The following CPEB3 variants were observed in gnomAD, a reference collection of about 807,000 sequenced individuals.
CPEB3 encodes the protein cytoplasmic polyadenylation element-binding protein 3.
A neutral mutation model predicts 67.2 loss-of-function variants in CPEB3; 20 were observed. The ratio of observed to expected loss-of-function variants is 0.30; its 90% CI spans 0.21 to 0.43. The LOEUF is 0.43. Among genes scored for constraint, CPEB3 ranks in the 20% least tolerant of loss-of-function variants. CPEB3 has a pLI of 1.00. For synonymous variants in CPEB3, 376 were observed against 393.1 expected (o/e 0.96, Z 0.51); for missense variants, 746 against 968.6 (o/e 0.77, Z 3.05).
At chr10:92,137,310 T>A in intron 6 of CPEB3, 1 of 708,398 alleles carries the variant, frequency 1.4e-6, no homozygotes, top group Non-Finnish European at 2.4e-6. Context: ...AAGTTCCCCA[T>A]ATCATCGTGG....
At position 92,052,056 on chromosome 10, in the gene CPEB3, G is replaced by C; in HGVS notation, c.*156C>G. On this transcript the variant is annotated 3_prime_UTR_variant, in exon 10 of 10. Coordinates refer to ENST00000265997, the MANE Select transcript of CPEB3 (RefSeq NM_014912.5). ...GGACACTGAGTTCAGTAATATGACT[G>C]TAAATAATAATAATAATAATAAAAA... The C allele has an allele frequency of 1.7e-6, 1 of 591,508 alleles. No homozygotes were observed. The highest frequency in any genetic ancestry group is 2.2e-5 in the South Asian group (1 of 46,464). 36.6% of individuals were successfully genotyped at this position (591,508 alleles called of 1,614,324 possible). A position where few individuals can be genotyped will look rare whatever the true frequency, so the allele number is the denominator to read the frequency against.
intron 2 of CPEB3, among the ~76,000 whole-genome samples, chr10:92,193,464 A>G (rs1590351632): frequency 6.8e-6 from 1 of 147,618 alleles, no homozygotes; most frequent in East Asian, 2.0e-4. Context: ...AAAGACCACA[A>G]TTTTTTTTTT....
chr10:92,207,961 C>T (rs1451296642), intron 2 of CPEB3, among the ~76,000 whole-genome samples: 3 of 152,216 alleles, frequency 2.0e-5, no homozygotes, highest in Non-Finnish European at 2.9e-5. Flanking sequence ...CTATTATTTA[C>T]TTCCAAAAAT....
intron 1 of CPEB3, among the ~76,000 whole-genome samples, chr10:92,255,047 G>A (rs561781939): frequency 6.5e-4 from 98 of 151,932 alleles, no homozygotes; most frequent in Middle Eastern, 3.4e-3. Flanking sequence ...GAGGCTATTA[G>A]GTAGTAATGT....
rs534753865 is a variant in CPEB3, at chr10:92,253,352, C to T, written c.-11-12991G>A. On this transcript the variant is annotated intron_variant, in intron 1 of 9. Coordinates refer to ENST00000265997, the MANE Select transcript of CPEB3 (RefSeq NM_014912.5). Reference sequence around the variant, plus strand: ...GCACACGCCTGTTGTCCCAGCTACTCGGGAGGCTGAGGCAGGAGAATCACT... The same window carrying T: ...GCACACGCCTGTTGTCCCAGCTACTTGGGAGGCTGAGGCAGGAGAATCACT... Among the ~76,000 whole-genome samples, 101 of 147,676 alleles carry T rather than the reference C, an allele frequency of 6.8e-4. 1 individual carries two copies. The highest frequency in any genetic ancestry group is 1.9e-3 in the East Asian group (9 of 4,864).
At chr10:92,124,872 A>G (rs1845541724) in intron 6 of CPEB3, among the ~76,000 whole-genome samples, 1 of 152,252 alleles carries the variant, frequency 6.6e-6, no homozygotes. Context: ...GCTACACTGC[A>G]GCCCACTGCA....
At chr10:92,132,207 G>T (rs1845875141) in intron 6 of CPEB3, among the ~76,000 whole-genome samples, 1 of 152,122 alleles carries the variant, frequency 6.6e-6, no homozygotes, top group African/African-American at 2.4e-5. Context: ...TGCATTTCTT[G>T]AGAAACAGAA....
intron 1 of CPEB3, among the ~76,000 whole-genome samples, chr10:92,260,701 TG>T (rs1852757980): frequency 6.6e-6 from 1 of 152,076 alleles, no homozygotes; most frequent in Non-Finnish European, 1.5e-5. Context: ...TTCCACCTCC[TG>T]GGCTCAAGCA....
chr10:92,073,246 C>A (rs2133149829), intron 9 of CPEB3, among the ~76,000 whole-genome samples: 1 of 152,050 alleles, frequency 6.6e-6, no homozygotes, highest in African/African-American at 2.4e-5. Context: ...ACTATATTGT[C>A]CAGGCTGGTC....
intron 1 of CPEB3, among the ~76,000 whole-genome samples, chr10:92,284,944 C>T (rs1336620163): frequency 1.3e-5 from 2 of 152,166 alleles, no homozygotes; most frequent in South Asian, 2.1e-4. Context: ...TAACAGAACA[C>T]CTGAGAATAG....
intron 2 of CPEB3, among the ~76,000 whole-genome samples, chr10:92,219,014 A>G (rs1850573350): frequency 6.6e-6 from 1 of 152,176 alleles, no homozygotes; most frequent in South Asian, 2.1e-4. Context: ...TAATATGTGC[A>G]ATGCAAATTA....
intron 4 of CPEB3, among the ~76,000 whole-genome samples, chr10:92,173,872 CA>C (rs1247712902): frequency 5.3e-5 from 8 of 152,312 alleles, no homozygotes. Flanking sequence ...CCATCCTTTA[CA>C]ATGTATTCAT....
At position 92,047,526 on chromosome 10, in the gene CPEB3, A is replaced by C. The variant is rs1205000138; in HGVS notation, c.*4686T>G. The C allele has an allele frequency of 1.3e-5, 2 of 152,272 alleles. No homozygotes were observed. The highest frequency in any genetic ancestry group is 2.4e-5 in the African/African-American group (1 of 41,474). The allele number at this position is 152,272 out of a possible 1,614,324, so 9.4% of individuals were successfully genotyped here. ...TTTGCTAATTGCATAAATGCAGTACATTCTGCATTAGCCCATGCCTCACTA... is the reference window on the plus strand; with the variant it reads ...TTTGCTAATTGCATAAATGCAGTACCTTCTGCATTAGCCCATGCCTCACTA... On this transcript the variant is annotated 3_prime_UTR_variant, in exon 10 of 10. Coordinates refer to ENST00000265997, the MANE Select transcript of CPEB3 (RefSeq NM_014912.5).
intron 4 of CPEB3, among the ~76,000 whole-genome samples, chr10:92,156,011 T>C (rs938739646): frequency 2.6e-5 from 4 of 152,148 alleles, no homozygotes; most frequent in Non-Finnish European, 5.9e-5. Flanking sequence ...TATTTCAAAA[T>C]AATCCTTATC....
chr10:92,253,463 C>CAAAAAAAAAAAAAA (rs370091703), intron 1 of CPEB3, among the ~76,000 whole-genome samples: 37 of 76,296 alleles, frequency 4.8e-4, no homozygotes, highest in South Asian at 1.2e-3. Flanking sequence ...TGTCTCAAAA[C>CAAAAAAAAAAAAAA]AAAAAAAAAA....
chr10:92,243,274 A>C (rs1328440081), intron 1 of CPEB3: 1 of 152,182 alleles, frequency 6.6e-6, no homozygotes, highest in Non-Finnish European at 1.5e-5. Flanking sequence ...GCACTTTGAC[A>C]ACTGTAAGAT....
At chr10:92,135,197 C>T (rs1488453828) in intron 6 of CPEB3, among the ~76,000 whole-genome samples, 1 of 152,076 alleles carries the variant, frequency 6.6e-6, no homozygotes, top group Non-Finnish European at 1.5e-5. Flanking sequence ...TTCTGCACAG[C>T]AAAAGAAACT....
intron 6 of CPEB3, chr10:92,137,369 C>T: frequency 9.2e-7 from 1 of 1,087,006 alleles, no homozygotes; most frequent in South Asian, 1.6e-5. Context: ...TACCTGTCTC[C>T]CAAATACATC....
At chr10:92,194,802 G>A (rs1035184469) in intron 2 of CPEB3, among the ~76,000 whole-genome samples, 27 of 152,220 alleles carry the variant, frequency 1.8e-4, no homozygotes, top group African/African-American at 6.3e-4. Flanking sequence ...AGCACTTTGG[G>A]AGGCTGAGGC....
Sources: allele counts gnomAD v4.1 joint callset (sites outside exome capture counted in the v4.1 genomes callset), GRCh38; gene constraint gnomAD v4.1.1; transcripts MANE v1.5; gene names NCBI Gene and HGNC (gene_info 2026-07-23, HGNC 2026-07-21).